Variants in GUCY1A2 observed in about 807,000 individuals in gnomAD.
GUCY1A2 encodes guanylate cyclase 1 soluble subunit alpha 2.
A neutral mutation model predicts 63.5 loss-of-function variants in GUCY1A2; 27 were observed. The observed-to-expected ratio is 0.43, with a 90% CI of 0.31 to 0.59. GUCY1A2 has a LOEUF of 0.59. GUCY1A2 is among the 20% of genes least tolerant of loss of function. The pLI is 0.11. For missense variants in GUCY1A2, 768 were observed against 913.3 expected, an observed-to-expected ratio of 0.84 and a Z score of 2.05; for synonymous variants, 364 against 343.5, an observed-to-expected ratio of 1.06 and a Z score of -0.66.
intron 6 of GUCY1A2, among the ~76,000 whole-genome samples, chr11:106,732,443 C>T (rs1310997569): frequency 6.6e-6 from 1 of 152,086 alleles, no homozygotes; most frequent in Non-Finnish European, 1.5e-5. Context: ...CTTCATAAGA[C>T]ATTTAGCCTC....
chr11:106,898,418 C>A (rs1430722807), intron 4 of GUCY1A2, among the ~76,000 whole-genome samples: 1 of 152,150 alleles, frequency 6.6e-6, no homozygotes, highest in Admixed American at 6.5e-5. Flanking sequence ...CAGGTTTATT[C>A]ATAATTGCCA....
chr11:106,950,269 C>T (rs558411707), intron 3 of GUCY1A2, among the ~76,000 whole-genome samples: 26 of 152,194 alleles, frequency 1.7e-4, no homozygotes, highest in Non-Finnish European at 3.2e-4. Flanking sequence ...ACAAAGGGCT[C>T]ATCACATTCC....
At position 106,940,162 on chromosome 11, in the gene GUCY1A2, T is replaced by C; in HGVS notation, c.504A>G (p.Glu168=). Residue 168 remains glutamate, a synonymous_variant, in exon 4 of 8, where the codon GAA becomes GAG. Coordinates refer to ENST00000526355, the MANE Select transcript of GUCY1A2 (RefSeq NM_000855.3). ...TANILGLKFE[E]IQKRFGEEFF... is the part of the protein sequence containing the mutation. ...ACTCTTCACCAAATCTTTTTTGAATTTCCTCAAACTTCAAACCTAGAGGTA... is the reference window on the plus strand; with the variant it reads ...ACTCTTCACCAAATCTTTTTTGAATCTCCTCAAACTTCAAACCTAGAGGTA... 1.9e-6 allele frequency: 3 copies of C among 1,545,706 alleles called. No homozygotes were observed. The highest frequency in any genetic ancestry group is 2.7e-6 in the Non-Finnish European group (3 of 1,123,840).
chr11:107,002,388 G>GGTGTGTGTGTGTGTGT (rs71044205), intron 1 of GUCY1A2, among the ~76,000 whole-genome samples: 14 of 149,034 alleles, frequency 9.4e-5, no homozygotes, highest in African/African-American at 2.7e-4. Flanking sequence ...AATAAGAACA[G>GGTGTGTGTGTGTGTGT]GTGTGTGTGT....
intron 1 of GUCY1A2, among the ~76,000 whole-genome samples, chr11:106,997,043 T>C (rs1262611478): frequency 6.6e-6 from 1 of 152,212 alleles, no homozygotes; most frequent in Admixed American, 6.5e-5. Context: ...TAATACTGCA[T>C]AACATAAAAA....
chr11:106,744,029 CAAG>C (rs1229717915), intron 6 of GUCY1A2, among the ~76,000 whole-genome samples: 1 of 152,036 alleles, frequency 6.6e-6, no homozygotes, highest in Non-Finnish European at 1.5e-5. Flanking sequence ...AATGAACGAC[CAAG>C]AAGACCATGG....
rs557149531 is a variant in GUCY1A2, at chr11:106,742,786, C to G, written c.1836+33653G>C. 9.9e-5 allele frequency among the ~76,000 whole-genome samples: 15 copies of G among 152,282 alleles called. No homozygotes were observed. In the East Asian group the frequency reaches 2.9e-3, roughly 29 times the overall value. ...CACACTGTCTTCCACAATGGTTGAA[C>G]TAATTTACACTCCCACCAACATTGT... On this transcript the variant is annotated intron_variant, in intron 6 of 7. Transcript: ENST00000526355.
At chr11:106,791,178 C>A (rs921697166) in intron 5 of GUCY1A2, among the ~76,000 whole-genome samples, 3 of 152,204 alleles carry the variant, frequency 2.0e-5, no homozygotes, top group Admixed American at 2.0e-4. Context: ...TTCCCCTCTG[C>A]CTAGGGCTGG....
At chr11:106,858,908 G>C (rs1165392642) in intron 4 of GUCY1A2, among the ~76,000 whole-genome samples, 1 of 152,024 alleles carries the variant, frequency 6.6e-6, no homozygotes, top group Non-Finnish European at 1.5e-5. Context: ...GCAGATAATT[G>C]TGTTTTGATT....
At chr11:106,901,689 A>G (rs1422700209) in intron 4 of GUCY1A2, among the ~76,000 whole-genome samples, 1 of 130,452 alleles carries the variant, frequency 7.7e-6, no homozygotes, top group African/African-American at 3.0e-5. Context: ...TCCTGTGTCC[A>G]AGTGTTCTCA....
chr11:106,860,123 CTTAAGT>C (rs1036140287), intron 4 of GUCY1A2, among the ~76,000 whole-genome samples: 1 of 151,330 alleles, frequency 6.6e-6, no homozygotes, highest in African/African-American at 2.4e-5. Context: ...TTATGAATTA[CTTAAGT>C]TTATGTTTTA....
chr11:106,819,098 C>G (rs962010972), intron 4 of GUCY1A2, among the ~76,000 whole-genome samples: 1 of 152,090 alleles, frequency 6.6e-6, no homozygotes, highest in African/African-American at 2.4e-5. Context: ...GCAAAAAGCA[C>G]TAGAATTAGA....
chr11:106,789,859 G>GTC (rs1864627228), intron 5 of GUCY1A2, among the ~76,000 whole-genome samples: 1 of 152,150 alleles, frequency 6.6e-6, no homozygotes, highest in Non-Finnish European at 1.5e-5. Flanking sequence ...AACAATGGGA[G>GTC]TCTCTCTCTC....
At chr11:106,728,443 T>C (rs1303347369) in intron 6 of GUCY1A2, among the ~76,000 whole-genome samples, 2 of 152,142 alleles carry the variant, frequency 1.3e-5, no homozygotes, top group Non-Finnish European at 2.9e-5. Flanking sequence ...TCTTTGGAAC[T>C]CCAAACAAAT....
chr11:106,776,449 C>G lies in GUCY1A2; in HGVS notation c.1826G>C (p.Arg609Thr). ...LSEEVLTPDG[R>T]PIQMRIGIHS... ...TGTTGGGAGGGTTACCTGAATCGGT[C>G]TTCCATCAGGTGTCAGCACCTCTTC... The change falls in exon 6 of 8, where the codon AGA (arginine) becomes ACA (threonine). Residue 609 changes from arginine (R) to threonine (T), a missense_variant. Transcript: ENST00000526355. The G allele has an allele frequency of 1.9e-6, 3 of 1,613,338 alleles. No homozygotes were observed. Among genetic ancestry groups the G allele is most frequent in the Non-Finnish European group, 2.5e-6 (3 of 1,179,368 alleles).
intron 4 of GUCY1A2, chr11:106,824,142 A>C: frequency 6.8e-7 from 1 of 1,462,828 alleles, no homozygotes; most frequent in Non-Finnish European, 9.3e-7. Context: ...GGCACATGCT[A>C]TTACTGTGCA....
chr11:106,830,590 A>G (rs1274434822), intron 4 of GUCY1A2, among the ~76,000 whole-genome samples: 4 of 152,232 alleles, frequency 2.6e-5, no homozygotes, highest in African/African-American at 4.8e-5. Context: ...CCAAGGCTAC[A>G]TCTTTTTCCT....
intron 2 of GUCY1A2, among the ~76,000 whole-genome samples, chr11:106,985,595 A>T (rs1372213525): frequency 6.6e-6 from 1 of 152,196 alleles, no homozygotes; most frequent in Non-Finnish European, 1.5e-5. Context: ...CCACATCACA[A>T]CCACTTCAAG....
At position 106,684,013 on chromosome 11, in the gene GUCY1A2, TAA is replaced by T. The variant is rs1017230446; in HGVS notation, c.*3534_*3535del. ...AACTCTTTGGAGGCATTTGCAAAAT[TAA>T]AAGTCTTGCTCCCCTTGTGAATGAG... On this transcript the variant is annotated 3_prime_UTR_variant, in exon 8 of 8. Transcript: ENST00000526355. 8 of 194,018 alleles carry T rather than the reference TAA, an allele frequency of 4.1e-5. No individual in the cohort carries two copies. The highest frequency in any genetic ancestry group is 3.9e-4 in the South Asian group (2 of 5,180). 12.0% of individuals were successfully genotyped at this position (194,018 alleles called of 1,614,324 possible). A position where few individuals can be genotyped will look rare whatever the true frequency, so the allele number is the denominator to read the frequency against.
Sources: gnomAD v4.1 joint callset for allele counts (sites outside exome capture counted in the v4.1 genomes callset) on GRCh38, gnomAD v4.1.1 for gene constraint, MANE v1.5 for transcripts, NCBI Gene and HGNC (gene_info 2026-07-23, HGNC 2026-07-21) for gene names.